DNAH3: variants seen among roughly 807,000 people sequenced by gnomAD.
DNAH3 encodes the protein dynein axonemal heavy chain 3.
A neutral mutation model predicts 432.5 loss-of-function variants in DNAH3; 332 were observed. That is an observed-to-expected ratio of 0.77 (90% CI 0.70 to 0.84). DNAH3 has a LOEUF of 0.84. Ranked by LOEUF, DNAH3 falls within the 40% of genes least tolerant of loss-of-function variation. DNAH3 has a pLI of 0.00. For missense variants in DNAH3, 4,861 were observed against 5,114.0 expected (o/e 0.95, Z 1.51); for synonymous variants, 1,956 against 1,900.2 (o/e 1.03, Z -0.76).
intron 8 of DNAH3, among the ~76,000 whole-genome samples, chr16:21,126,876 C>G (rs537824454): frequency 6.6e-6 from 1 of 151,844 alleles, no homozygotes; most frequent in African/African-American, 2.4e-5. Context: ...GAATCAAATG[C>G]CTGATGATCT....
intron 44 of DNAH3, among the ~76,000 whole-genome samples, chr16:20,994,975 C>CCCA (rs1252987907): frequency 6.6e-6 from 1 of 152,004 alleles, no homozygotes; most frequent in Non-Finnish European, 1.5e-5. Context: ...CAGGGTCTCA[C>CCCA]CCAGGTTGGA....
At chr16:21,063,523 T>C (rs1046826559) in intron 24 of DNAH3, among the ~76,000 whole-genome samples, 2 of 149,678 alleles carry the variant, frequency 1.3e-5, no homozygotes, top group Non-Finnish European at 3.0e-5. Context: ...TATTTTATTT[T>C]ATTTTATTTT....
chr16:21,043,335 TGTTTCCTGACTTTTTAATG>T (rs2089535161), intron 31 of DNAH3, among the ~76,000 whole-genome samples: 1 of 140,872 alleles, frequency 7.1e-6, no homozygotes, highest in Non-Finnish European at 1.5e-5. Context: ...CAGCACCTGT[TGTTTCCTGACTTTTTAATG>T]ATTGCCATTC....
exon 43 of DNAH3, chr16:21,000,378 G>C (rs1221907362): frequency 1.2e-6 from 2 of 1,614,052 alleles, no homozygotes; most frequent in African/African-American, 2.7e-5. Context: ...TGGGAAGGTG[G>C]AGAAGGAAGT....
chr16:20,952,702 T>C (rs971393823), intron 55 of DNAH3, among the ~76,000 whole-genome samples, 153 bp from the exon 56 acceptor site: 1 of 152,192 alleles, frequency 6.6e-6, no homozygotes, highest in Non-Finnish European at 1.5e-5. Flanking sequence ...AGCCTGGACG[T>C]TTACCACCAA....
At chr16:20,933,271 G>A in exon 62 of DNAH3, 1 of 1,614,164 alleles carries the variant, frequency 6.2e-7, no homozygotes, top group Middle Eastern at 1.6e-4. Context: ...TGGTGGAGAG[G>A]GTTCCTCTGC....
At chr16:21,023,698 G>T (rs1173132878) in intron 39 of DNAH3, among the ~76,000 whole-genome samples, 2 of 151,996 alleles carry the variant, frequency 1.3e-5, no homozygotes, top group Non-Finnish European at 2.9e-5. Flanking sequence ...ATAGTCTCAT[G>T]GGCCCTGATA....
At chr16:21,156,653 C>T (rs1417613971) in intron 1 of DNAH3, among the ~76,000 whole-genome samples, 1 of 152,118 alleles carries the variant, frequency 6.6e-6, no homozygotes, top group Non-Finnish European at 1.5e-5. Context: ...GACATTCAGT[C>T]CATTGCAGCA....
chr16:21,037,717 C>T, intron 34 of DNAH3, 44 bp downstream of exon 34: 1 of 1,557,686 alleles, frequency 6.4e-7, no homozygotes. Context: ...CATCTTCCAA[C>T]ATTGAGCCTT....
chr16:20,989,108 G>T (rs560118228), intron 44 of DNAH3, among the ~76,000 whole-genome samples: 1 of 152,202 alleles, frequency 6.6e-6, no homozygotes, highest in Non-Finnish European at 1.5e-5. Context: ...AGACCCGAGC[G>T]GGTTACCACT....
intron 39 of DNAH3, among the ~76,000 whole-genome samples, chr16:21,023,217 T>C (rs1004063415): frequency 2.4e-4 from 36 of 152,292 alleles, no homozygotes; most frequent in African/African-American, 8.7e-4. Flanking sequence ...GGAAATGTGG[T>C]ATATCAATTC....
chr16:20,983,220 G>C (rs140810991), intron 48 of DNAH3, among the ~76,000 whole-genome samples: 3,822 of 152,204 alleles, frequency 0.025, 181 homozygotes, highest in African/African-American at 0.088. Flanking sequence ...CCGCCTCCTG[G>C]GTTCAAGCTA....
At chr16:21,127,278 C>A (rs560778650) in intron 8 of DNAH3, among the ~76,000 whole-genome samples, 1 of 151,734 alleles carries the variant, frequency 6.6e-6, no homozygotes, top group Non-Finnish European at 1.5e-5. Flanking sequence ...CGAGGCCAGG[C>A]GCGGTGGCTC....
chr16:21,116,419 C>G (rs1288092007), intron 12 of DNAH3, among the ~76,000 whole-genome samples: 1 of 151,942 alleles, frequency 6.6e-6, no homozygotes, highest in Non-Finnish European at 1.5e-5. Flanking sequence ...CTTTTCCCTC[C>G]CCCTTTTGCT....
chr16:21,115,290 T>C (rs1230690214), intron 12 of DNAH3, among the ~76,000 whole-genome samples: 1 of 150,476 alleles, frequency 6.6e-6, no homozygotes, highest in Non-Finnish European at 1.5e-5. Flanking sequence ...ATACCTAATG[T>C]AAATGACGAG....
chr16:21,111,605 G>T, intron 14 of DNAH3, 21 bp downstream of exon 14: 2 of 1,599,658 alleles, frequency 1.3e-6, no homozygotes, highest in Non-Finnish European at 1.7e-6. Context: ...ATTGCTATTT[G>T]TCTGCACAGA....
chr16:21,037,654 C>T (rs1408594104), intron 34 of DNAH3, 107 bp downstream of exon 34: 1 of 940,192 alleles, frequency 1.1e-6, no homozygotes, highest in Non-Finnish European at 1.6e-6. Flanking sequence ...GAGATGCTGG[C>T]CAAAGAATGG....
At chr16:21,022,499 G>A (rs1002620645) in intron 39 of DNAH3, among the ~76,000 whole-genome samples, 1 of 152,188 alleles carries the variant, frequency 6.6e-6, no homozygotes, top group Non-Finnish European at 1.5e-5. Context: ...ACACTGGTGA[G>A]GTGGGACTCC....
At chr16:20,989,207 G>T (rs144502784) in intron 44 of DNAH3, among the ~76,000 whole-genome samples, 3,817 of 152,262 alleles carry the variant, frequency 0.025, 180 homozygotes, top group African/African-American at 0.087. Context: ...TTTTGACAGG[G>T]TGCTGATTGG....
Sources: gnomAD v4.1 joint callset for allele counts (sites outside exome capture counted in the v4.1 genomes callset) on GRCh38, gnomAD v4.1.1 for gene constraint, MANE v1.5 for transcripts, NCBI Gene and HGNC (gene_info 2026-07-23, HGNC 2026-07-21) for gene names.